PTPRM: variants seen among roughly 807,000 people sequenced by gnomAD.
PTPRM encodes receptor-type tyrosine-protein phosphatase mu.
PTPRM carries 47 observed loss-of-function variants against 186.7 expected under a neutral mutation model. That is an observed-to-expected ratio of 0.25 (90% confidence interval 0.20 to 0.32). The LOEUF is 0.32. Ranked by LOEUF, PTPRM falls within the 10% of genes least tolerant of loss-of-function variation. The pLI, the probability that PTPRM is intolerant of heterozygous loss-of-function variation, is 1.00. For missense variants in PTPRM, 1,494 were observed against 1,865.0 expected (o/e 0.80, Z 3.66); for synonymous variants, 668 against 674.9 (o/e 0.99, Z 0.16).
chr18:7,986,812 A>G lies in PTPRM; in HGVS notation c.1132+31398A>G, dbSNP rs1368501584. Among the ~76,000 whole-genome samples, 4 of 152,184 alleles carry G rather than the reference A, an allele frequency of 2.6e-5. No individual in the cohort carries two copies. The East Asian group carries it at 7.7e-4, about 29-fold the overall frequency. ...AACCCCAGTATTATAGATTGTGACT[A>G]TATTTGGATAGGGTCTTTAAGAGGA... On this transcript the variant is annotated intron_variant, in intron 7 of 32. Coordinates refer to ENST00000580170, the MANE Select transcript of PTPRM (RefSeq NM_001105244.2).
At chr18:7,745,985 A>C (rs972285919) in intron 1 of PTPRM, among the ~76,000 whole-genome samples, 9 of 152,204 alleles carry the variant, frequency 5.9e-5, no homozygotes, top group African/African-American at 2.2e-4. Flanking sequence ...TACAGAAACA[A>C]ACCTATGAGA....
At chr18:8,203,963 C>G (rs1260999832) in intron 14 of PTPRM, among the ~76,000 whole-genome samples, 2 of 152,136 alleles carry the variant, frequency 1.3e-5, no homozygotes, top group Admixed American at 6.5e-5. Context: ...TACATCGTAA[C>G]AGTACACCCA....
intron 1 of PTPRM, among the ~76,000 whole-genome samples, chr18:7,770,910 GAAA>G (rs1269169775): frequency 2.8e-4 from 43 of 152,280 alleles, no homozygotes; most frequent in African/African-American, 9.9e-4. Context: ...TCTTCACTGG[GAAA>G]TATGAAATTC....
At chr18:8,057,184 A>T (rs1236775008) in intron 7 of PTPRM, among the ~76,000 whole-genome samples, 1 of 151,488 alleles carries the variant, frequency 6.6e-6, no homozygotes, top group Non-Finnish European at 1.5e-5. Context: ...AGGAAGTAGG[A>T]AGGTGGCAAA....
intron 1 of PTPRM, among the ~76,000 whole-genome samples, chr18:7,631,451 G>GT (rs74388341): frequency 0.11 from 15,053 of 139,608 alleles, 1,078 homozygotes; most frequent in South Asian, 0.21. Context: ...CTACAAGGCT[G>GT]TTTTTTTTTT....
chr18:7,746,006 T>C (rs1314871787), intron 1 of PTPRM, among the ~76,000 whole-genome samples: 1 of 152,036 alleles, frequency 6.6e-6, no homozygotes, highest in Non-Finnish European at 1.5e-5. Context: ...CAAATGGACA[T>C]GGTGAATATA....
intron 2 of PTPRM, among the ~76,000 whole-genome samples, chr18:7,776,017 G>A (rs944941594): frequency 1.3e-5 from 2 of 152,210 alleles, no homozygotes; most frequent in Admixed American, 1.3e-4. Flanking sequence ...AAGCCCAGGT[G>A]TATCCTGGCA....
At chr18:7,968,722 A>G (rs1412309379) in intron 7 of PTPRM, among the ~76,000 whole-genome samples, 1 of 33,510 alleles carries the variant, frequency 3.0e-5, no homozygotes, top group African/African-American at 1.7e-4. Context: ...GCCATTACAT[A>G]ATGGTAAAGG....
chr18:8,246,173 G>A (rs115965356), intron 15 of PTPRM, among the ~76,000 whole-genome samples: 1,538 of 152,232 alleles, frequency 0.01, 24 homozygotes, highest in African/African-American at 0.035. Flanking sequence ...TTCTGGGGAG[G>A]AAACCTTCAG....
intron 2 of PTPRM, among the ~76,000 whole-genome samples, chr18:7,856,869 G>T (rs2145997279): frequency 6.6e-6 from 1 of 152,254 alleles, no homozygotes; most frequent in Middle Eastern, 3.4e-3. Context: ...TCCCTGTGCT[G>T]ATGCAGAGGC....
intron 10 of PTPRM, among the ~76,000 whole-genome samples, chr18:8,088,285 C>T (rs1486703903): frequency 3.3e-5 from 3 of 91,090 alleles, no homozygotes; most frequent in Non-Finnish European, 7.4e-5. Context: ...TCTTTAAATC[C>T]CCAATGAGTC....
rs545128635 is a variant in PTPRM, at chr18:7,900,569, A to G, written c.469-5936A>G. ...GGTGTGTGTGTGTGTGTGTATATAT[A>G]TGTATGTAAAGGTATTCTATATACA... On this transcript the variant is annotated intron_variant, in intron 3 of 32. Transcript: ENST00000580170. Among the ~76,000 whole-genome samples, 37 of 152,244 alleles carry G rather than the reference A, an allele frequency of 2.4e-4. No individual in the cohort carries two copies. In the South Asian group the frequency reaches 7.5e-3, roughly 31 times the overall value.
intron 14 of PTPRM, among the ~76,000 whole-genome samples, chr18:8,240,655 A>AGAGAG (rs2094415391): frequency 1.3e-4 from 2 of 15,968 alleles, no homozygotes; most frequent in South Asian, 1.3e-3. Flanking sequence ...GAGAGAGAGA[A>AGAGAG]AGAAAGAAAG....
chr18:8,101,367 T>C (rs949157151), intron 11 of PTPRM, among the ~76,000 whole-genome samples: 2 of 152,228 alleles, frequency 1.3e-5, no homozygotes, highest in Non-Finnish European at 2.9e-5. Flanking sequence ...TGTTGATTTC[T>C]ATAGTGATAG....
At chr18:8,176,154 T>A (rs2093477592) in intron 14 of PTPRM, among the ~76,000 whole-genome samples, 1 of 152,138 alleles carries the variant, frequency 6.6e-6, no homozygotes, top group Admixed American at 6.6e-5. Context: ...GAGGGAAAAT[T>A]CATCCAGTAT....
intron 7 of PTPRM, among the ~76,000 whole-genome samples, chr18:7,977,840 A>G (rs1006116226): frequency 8.5e-5 from 13 of 152,170 alleles, no homozygotes; most frequent in African/African-American, 3.1e-4. Context: ...TTCTGCCAGC[A>G]TCCATGAAAC....
intron 7 of PTPRM, among the ~76,000 whole-genome samples, chr18:7,976,239 C>T (rs1475712380): frequency 6.6e-6 from 1 of 152,126 alleles, no homozygotes; most frequent in African/African-American, 2.4e-5. Flanking sequence ...CTATATATGA[C>T]ATTCTGGAAA....
At chr18:8,216,550 G>GTAA (rs1169993448) in intron 14 of PTPRM, among the ~76,000 whole-genome samples, 1 of 152,130 alleles carries the variant, frequency 6.6e-6, no homozygotes, top group Non-Finnish European at 1.5e-5. Flanking sequence ...GATCAGGGTG[G>GTAA]TAATACACCT....
At chr18:8,136,056 C>T (rs947900269) in intron 13 of PTPRM, among the ~76,000 whole-genome samples, 4 of 152,182 alleles carry the variant, frequency 2.6e-5, no homozygotes, top group Non-Finnish European at 5.9e-5. Flanking sequence ...ACCTAAAATA[C>T]AAATCTGGAA....
Sources: gnomAD v4.1 joint callset for allele counts (sites outside exome capture counted in the v4.1 genomes callset) on GRCh38, gnomAD v4.1.1 for gene constraint, MANE v1.5 for transcripts, NCBI Gene and HGNC (gene_info 2026-07-23, HGNC 2026-07-21) for gene names.